LHFPL2: variants seen among roughly 807,000 people sequenced by gnomAD.
LHFPL2 encodes LHFPL tetraspan subfamily member 2 protein.
A neutral mutation model predicts 17.5 loss-of-function variants in LHFPL2; 7 were observed. That is an observed-to-expected ratio of 0.40 (90% CI 0.23 to 0.75). The LOEUF is 0.75. Ranked by LOEUF, LHFPL2 falls within the 30% of genes least tolerant of loss-of-function variation. The probability of loss-of-function intolerance (pLI) is 0.37; values close to 1 mark genes in which losing one functional copy is unlikely to be tolerated. For synonymous variants in LHFPL2, 134 were observed against 116.2 expected (o/e 1.15, Z -0.99); for missense variants, 241 against 294.8 (o/e 0.82, Z 1.34).
chr5:78,616,167 A>G (rs1262755286), intron 2 of LHFPL2, among the ~76,000 whole-genome samples: 1 of 151,238 alleles, frequency 6.6e-6, no homozygotes, highest in Non-Finnish European at 1.5e-5. Flanking sequence ...TCACTCTGTC[A>G]CCCAGGCTGA....
At chr5:78,503,281 G>A (rs1168065250) in intron 4 of LHFPL2, among the ~76,000 whole-genome samples, 4 of 152,156 alleles carry the variant, frequency 2.6e-5, no homozygotes, top group Non-Finnish European at 5.9e-5. Context: ...AATTTATGTC[G>A]ACAATTAAGT....
At chr5:78,534,584 C>CG (rs2112364036) in intron 3 of LHFPL2, among the ~76,000 whole-genome samples, 2 of 152,228 alleles carry the variant, frequency 1.3e-5, no homozygotes, top group East Asian at 3.9e-4. Flanking sequence ...AAAATAGGAA[C>CG]AGAACAGTGG....
At chr5:78,635,253 T>C (rs1745392869) in intron 1 of LHFPL2, among the ~76,000 whole-genome samples, 1 of 152,238 alleles carries the variant, frequency 6.6e-6, no homozygotes, top group Non-Finnish European at 1.5e-5. Flanking sequence ...GCAAATGTAA[T>C]GACTCTTTTC....
intron 2 of LHFPL2, among the ~76,000 whole-genome samples, chr5:78,599,184 G>A (rs1743922515): frequency 1.3e-5 from 2 of 152,162 alleles, no homozygotes; most frequent in East Asian, 1.9e-4. Flanking sequence ...AAGTGTTATG[G>A]ATAAAGTTTT....
At chr5:78,584,969 C>T (rs1412861043) in intron 2 of LHFPL2, among the ~76,000 whole-genome samples, 2 of 132,910 alleles carry the variant, frequency 1.5e-5, no homozygotes, top group Non-Finnish European at 3.1e-5. Flanking sequence ...GAGCCAGGTG[C>T]GGGATATAAT....
chr5:78,505,030 C>T (rs1489426961), intron 4 of LHFPL2, among the ~76,000 whole-genome samples: 1 of 152,248 alleles, frequency 6.6e-6, no homozygotes, highest in Non-Finnish European at 1.5e-5. Flanking sequence ...CCAGCCAGCA[C>T]AAGTGAGCCA....
At chr5:78,592,371 C>T (rs748056807) in intron 2 of LHFPL2, among the ~76,000 whole-genome samples, 2 of 152,180 alleles carry the variant, frequency 1.3e-5, no homozygotes, top group Admixed American at 6.6e-5. Context: ...CTCTAGAAGA[C>T]GCTCTAAGAG....
chr5:78,572,999 A>G, intron 2 of LHFPL2, among the ~76,000 whole-genome samples: 1 of 152,116 alleles, frequency 6.6e-6, no homozygotes, highest in Non-Finnish European at 1.5e-5. Context: ...CAGAAGGTGG[A>G]GCTCAGGCCG....
intron 2 of LHFPL2, among the ~76,000 whole-genome samples, chr5:78,603,058 T>C (rs779889378): frequency 6.6e-6 from 1 of 152,006 alleles, no homozygotes; most frequent in Non-Finnish European, 1.5e-5. Flanking sequence ...ACCCAGCTAA[T>C]TTTTGTATTT....
At chr5:78,613,733 GGAT>G (rs1173198222) in intron 2 of LHFPL2, among the ~76,000 whole-genome samples, 1 of 152,164 alleles carries the variant, frequency 6.6e-6, no homozygotes, top group Non-Finnish European at 1.5e-5. Flanking sequence ...AAGCCAGCCA[GGAT>G]GATGATTTAA....
chr5:78,581,061 C>A (rs34857147), intron 2 of LHFPL2, among the ~76,000 whole-genome samples: 60,659 of 151,704 alleles, frequency 0.4, 12,405 homozygotes, highest in Middle Eastern at 0.47. Context: ...GAGGTCCTTC[C>A]CATCCCTTTT....
rs1379970797 is a variant in LHFPL2, at chr5:78,485,743, CCTA to C, written c.*3151_*3153del. 3.9e-5 allele frequency: 6 copies of C among 152,590 alleles called. No individual in the cohort carries two copies. Among genetic ancestry groups the C allele is most frequent in the Non-Finnish European group, 7.3e-5 (5 of 68,040 alleles). The allele number at this position is 152,590 out of a possible 1,614,324, so 9.5% of individuals were successfully genotyped here. ...TGATTATGTACCAGCTACTAGTTAT[CCTA>C]CTAAGAGAAAAGGCAACATGGCAGC... On this transcript the variant is annotated 3_prime_UTR_variant, in exon 5 of 5. Coordinates refer to ENST00000380345, the MANE Select transcript of LHFPL2 (RefSeq NM_005779.3).
At chr5:78,589,046 GA>G (rs1156250486) in intron 2 of LHFPL2, among the ~76,000 whole-genome samples, 1 of 152,162 alleles carries the variant, frequency 6.6e-6, no homozygotes, top group Non-Finnish European at 1.5e-5. Flanking sequence ...ATGAAGTTCA[GA>G]AAGGTCAAGT....
At chr5:78,633,945 T>C (rs1280035550) in intron 1 of LHFPL2, among the ~76,000 whole-genome samples, 1 of 151,912 alleles carries the variant, frequency 6.6e-6, no homozygotes, top group African/African-American at 2.4e-5. Flanking sequence ...CTCCATGTGG[T>C]TTTATTAGAG....
chr5:78,625,644 C>T (rs1303991874), intron 2 of LHFPL2: 2 of 152,248 alleles, frequency 1.3e-5, no homozygotes, highest in Non-Finnish European at 2.9e-5. Flanking sequence ...CTTCTACAGA[C>T]TTTTCTGCCT....
chr5:78,551,461 CCACTT>C (rs149896041), intron 3 of LHFPL2, among the ~76,000 whole-genome samples: 56 of 152,244 alleles, frequency 3.7e-4, no homozygotes, highest in African/African-American at 1.3e-3. Context: ...TATCTGGGGG[CCACTT>C]CAGCTCCTGG....
intron 3 of LHFPL2, among the ~76,000 whole-genome samples, chr5:78,560,865 AC>A: frequency 6.6e-6 from 1 of 152,230 alleles, no homozygotes; most frequent in South Asian, 2.1e-4. Flanking sequence ...TAAATTAGAA[AC>A]TATCCAATTT....
chr5:78,572,533 C>T (rs1023716433), intron 2 of LHFPL2, among the ~76,000 whole-genome samples: 1 of 149,506 alleles, frequency 6.7e-6, no homozygotes, highest in Non-Finnish European at 1.5e-5. Context: ...TATATATATA[C>T]ACACACATAT....
chr5:78,505,181 G>A (rs1477227967), intron 4 of LHFPL2, among the ~76,000 whole-genome samples: 1 of 152,186 alleles, frequency 6.6e-6, no homozygotes, highest in Non-Finnish European at 1.5e-5. Flanking sequence ...TGCATTCTAT[G>A]GTTTCACGAT....
Sources: gnomAD v4.1 joint callset for allele counts (sites outside exome capture counted in the v4.1 genomes callset) on GRCh38, gnomAD v4.1.1 for gene constraint, MANE v1.5 for transcripts, NCBI Gene and HGNC (gene_info 2026-07-23, HGNC 2026-07-21) for gene names.